Variants in B4GALNT3 observed in about 807,000 individuals in gnomAD.
B4GALNT3 encodes the protein beta-1,4-N-acetyl-galactosaminyltransferase 3, also known as beta-1,4-N-acetylgalactosaminyltransferase 3.
Under a neutral mutation model 120.2 loss-of-function variants are expected in B4GALNT3, and 86 were observed. That is an observed-to-expected ratio of 0.72 (90% CI 0.60 to 0.86). The LOEUF (loss-of-function observed/expected upper bound fraction) is 0.86. Ranked by LOEUF, B4GALNT3 falls within the 40% of genes least tolerant of loss-of-function variation. The probability of loss-of-function intolerance (pLI) is 0.00; values close to 1 mark genes in which losing one functional copy is unlikely to be tolerated. For missense variants in B4GALNT3, 1,167 were observed against 1,298.9 expected (o/e 0.90, Z 1.56); for synonymous variants, 518 against 510.4 (o/e 1.01, Z -0.20).
rs1307183676 is a variant in B4GALNT3, at chr12:563,177, G to C, written c.*1726G>C. 6.6e-6 allele frequency: 1 copy of C among 152,546 alleles called. No homozygotes were observed. The highest frequency in any genetic ancestry group is 1.5e-5 in the Non-Finnish European group (1 of 68,296). The allele number at this position is 152,546 out of a possible 1,614,324, so 9.4% of individuals were successfully genotyped here. On this transcript the variant is annotated 3_prime_UTR_variant, in exon 20 of 20. Coordinates refer to ENST00000266383, the MANE Select transcript of B4GALNT3 (RefSeq NM_173593.4). ...ACTGGCCCCTGGAGAAGGATGGTGG[G>C]GCATAGGCTAGGGCTGCAGTTGGCC...
At chr12:497,605 T>C (rs1946400691) in intron 1 of B4GALNT3, among the ~76,000 whole-genome samples, 1 of 152,196 alleles carries the variant, frequency 6.6e-6, no homozygotes, top group African/African-American at 2.4e-5. Context: ...TGAATATCTG[T>C]TTTCATTTCT....
chr12:465,721 T>G (rs1946071459), intron 1 of B4GALNT3, among the ~76,000 whole-genome samples: 1 of 152,052 alleles, frequency 6.6e-6, no homozygotes. Flanking sequence ...CAAGTTGAGG[T>G]CCCATTCCCC....
At chr12:536,943 GAAGAA>G (rs1228181075) in intron 3 of B4GALNT3, among the ~76,000 whole-genome samples, 1 of 152,156 alleles carries the variant, frequency 6.6e-6, no homozygotes, top group East Asian at 1.9e-4. Flanking sequence ...GATATTCCAG[GAAGAA>G]AAGAGTCCAT....
intron 1 of B4GALNT3, among the ~76,000 whole-genome samples, chr12:483,291 A>C (rs932383536): frequency 1.3e-5 from 2 of 152,234 alleles, no homozygotes; most frequent in African/African-American, 4.8e-5. Context: ...ATATAGAAAG[A>C]AAAGTGAGAC....
intron 5 of B4GALNT3, 80 bp downstream of exon 5, chr12:545,052 T>C: frequency 6.5e-7 from 1 of 1,543,592 alleles, no homozygotes; most frequent in Non-Finnish European, 8.8e-7. Context: ...GATAAGGTTA[T>C]AGGTAGACTG....
chr12:468,324 TAAAAAGCCA>T (rs528840636), intron 1 of B4GALNT3, among the ~76,000 whole-genome samples: 79 of 152,302 alleles, frequency 5.2e-4, no homozygotes, highest in African/African-American at 1.8e-3. Flanking sequence ...TTTAAAAACT[TAAAAAGCCA>T]AAAAAGTATT....
At chr12:543,141 G>C in intron 3 of B4GALNT3, 1 of 1,289,638 alleles carries the variant, frequency 7.8e-7, no homozygotes, top group South Asian at 1.2e-5. Flanking sequence ...GTATGTGTGT[G>C]TGTGTGCATG....
chr12:536,907 T>C (rs746843034), intron 3 of B4GALNT3, among the ~76,000 whole-genome samples: 1 of 152,254 alleles, frequency 6.6e-6, no homozygotes, highest in Non-Finnish European at 1.5e-5. Flanking sequence ...ACTGTCTTTC[T>C]TGGGCCACTA....
intron 1 of B4GALNT3, among the ~76,000 whole-genome samples, chr12:511,894 T>C (rs1946574436): frequency 1.8e-5 from 2 of 110,560 alleles, no homozygotes; most frequent in African/African-American, 3.6e-5. Context: ...TCTTCCACCT[T>C]CCACCTTCCG....
Position 459,960 on chromosome 12 carries a change from C to T in B4GALNT3, c.-417C>T, listed in dbSNP as rs1946002649. ...GGCCAGGTTCCGCGAGCAGGAGAGCCCAGAGCCCGGAGCCCGGTCCGGGGC... is the reference window on the plus strand; with the variant it reads ...GGCCAGGTTCCGCGAGCAGGAGAGCTCAGAGCCCGGAGCCCGGTCCGGGGC... On this transcript the variant is annotated 5_prime_UTR_variant, in exon 1 of 20. Transcript: ENST00000266383. 6.6e-6 allele frequency among the ~76,000 whole-genome samples: 1 copy of T among 150,710 alleles called. No individual in the cohort carries two copies. Among genetic ancestry groups the T allele is most frequent in the African/African-American group, 2.4e-5 (1 of 40,998 alleles).
intron 1 of B4GALNT3, among the ~76,000 whole-genome samples, chr12:498,564 A>C (rs1946410497): frequency 6.6e-6 from 1 of 152,152 alleles, no homozygotes. Flanking sequence ...GGAGACAAGG[A>C]TCCCTGTGTG....
intron 16 of B4GALNT3, 74 bp from the exon 17 acceptor site, chr12:557,942 T>C: frequency 6.4e-7 from 1 of 1,551,316 alleles, no homozygotes; most frequent in South Asian, 1.1e-5. Context: ...ATCTCTCTTC[T>C]ATGCCTGCCA....
In B4GALNT3 at chr12:548,530, G is replaced by GA. The variant is rs913237379; in HGVS notation, c.853+238dup. Among the ~76,000 whole-genome samples the GA allele has an allele frequency of 2.6e-5, 4 of 152,128 alleles. No homozygotes were observed. Among genetic ancestry groups the GA allele is most frequent in the Admixed American group, 1.3e-4 (2 of 15,282 alleles). On this transcript the variant is annotated intron_variant, in intron 9 of 19. Coordinates refer to ENST00000266383, the MANE Select transcript of B4GALNT3 (RefSeq NM_173593.4). The surrounding 1 kb of genome is among the most constrained non-coding windows in gnomAD (Gnocchi z 4.9). ...AGAAGCTCTCTGAGCCCTTGCCTCA[G>GA]AAAAATGCCCTTGTCTACCCACCCA...
At chr12:508,656 A>G (rs1281826487) in intron 1 of B4GALNT3, among the ~76,000 whole-genome samples, 2 of 152,098 alleles carry the variant, frequency 1.3e-5, no homozygotes, top group Admixed American at 6.5e-5. Flanking sequence ...CCCATGTTCA[A>G]CACTTCACCC....
At chr12:528,736 C>G (rs918383261) in intron 1 of B4GALNT3, among the ~76,000 whole-genome samples, 1 of 152,226 alleles carries the variant, frequency 6.6e-6, no homozygotes, top group Non-Finnish European at 1.5e-5. Context: ...GGATGTGTGA[C>G]TGGTCCCACA....
intron 3 of B4GALNT3, among the ~76,000 whole-genome samples, chr12:538,959 G>A (rs1946888294): frequency 1.3e-5 from 2 of 152,220 alleles, no homozygotes; most frequent in African/African-American, 2.4e-5. Context: ...AGGTTGTTCT[G>A]TTATCCCTCT....
At chr12:495,620 G>A (rs966055871) in intron 1 of B4GALNT3, among the ~76,000 whole-genome samples, 2 of 152,150 alleles carry the variant, frequency 1.3e-5, no homozygotes, top group Admixed American at 6.5e-5. Context: ...CTTCTTAGGG[G>A]GTGAATGCGG....
At position 539,903 on chromosome 12, in the gene B4GALNT3, C is replaced by T. The variant is rs145068129; in HGVS notation, c.351+3608C>T. On this transcript the variant is annotated intron_variant, in intron 3 of 19. Coordinates refer to ENST00000266383, the MANE Select transcript of B4GALNT3 (RefSeq NM_173593.4). ...TCCAGCCTGGGCAGCGGAGTGAGAC[C>T]CTGACCTTAAAAATAAAATAAAATA... is the stretch of plus-strand genomic sequence containing the variant. Among the ~76,000 whole-genome samples the T allele has an allele frequency of 1.2e-4, 18 of 152,198 alleles. No homozygotes were observed. The East Asian group carries it at 3.5e-3, about 29-fold the overall frequency.
intron 1 of B4GALNT3, among the ~76,000 whole-genome samples, chr12:500,481 G>A (rs4980830): frequency 0.15 from 22,292 of 152,162 alleles, 2,160 homozygotes; most frequent in Admixed American, 0.31. Flanking sequence ...GCATGTAACA[G>A]GGCTCCAGTG....
Sources: allele counts gnomAD v4.1 joint callset (sites outside exome capture counted in the v4.1 genomes callset), GRCh38; gene constraint gnomAD v4.1.1; non-coding constraint Gnocchi (gnomAD v3.1); transcripts MANE v1.5; gene names NCBI Gene and HGNC (gene_info 2026-07-23, HGNC 2026-07-21).